The following NID2 variants were observed in gnomAD, a reference collection of about 807,000 sequenced individuals.
NID2 encodes the protein nidogen-2.
Under a neutral mutation model 145.4 loss-of-function variants are expected in NID2, and 83 were observed. That is an observed-to-expected ratio of 0.57 (90% CI 0.48 to 0.69). The LOEUF (loss-of-function observed/expected upper bound fraction) is 0.69, where lower values mean the gene tolerates loss of function less well. Among genes scored for constraint, NID2 ranks in the 30% least tolerant of loss-of-function variants. The pLI, the probability that NID2 is intolerant of heterozygous loss-of-function variation, is 0.00. For synonymous variants in NID2, 739 were observed against 701.3 expected, an observed-to-expected ratio of 1.05 and a Z score of -0.85; for missense variants, 1,807 against 1,765.7, an observed-to-expected ratio of 1.02 and a Z score of -0.42.
chr14:52,014,356 C>A lies in NID2; in HGVS notation c.3351G>T (p.Gln1117His), dbSNP rs753151395. The change falls in exon 16 of 22, where the codon CAG (glutamine) becomes CAT (histidine). Residue 1117 changes from glutamine (Q) to histidine (H), a missense_variant. Transcript: ENST00000216286. ...GTFLLYTQGQ[Q>H]IGYLPLNGTR... is the part of the protein sequence containing the mutation. ...TGCCATTGAGGGGTAAGTAGCCAAT[C>A]TGCTGGCCCTGAGTATAGAGCAGGA... 8.7e-6 allele frequency: 14 copies of A among 1,614,264 alleles called. No homozygotes were observed. In the South Asian group the frequency reaches 1.4e-4, roughly 16 times the overall value.
chr14:52,042,153 G>C lies in NID2; in HGVS notation c.1777C>G (p.Leu593Val). ...LTPIGGLFGW[L>V]FALEKPGSEN... is the part of the protein sequence containing the mutation. ...GAGCCAGGTTTTTCTAAAGCAAAGA[G>C]CCAGCCAAACAGGCCTCCAATTGGT... The change falls in exon 7 of 22, where the codon CTC (leucine) becomes GTC (valine). Residue 593 changes from leucine to valine, a missense_variant. Physicochemically the swap from Leu to Val is conservative, Grantham distance 32. Transcript: ENST00000216286. 6.2e-7 allele frequency: 1 copy of C among 1,611,884 alleles called. No homozygotes were observed. The highest frequency in any genetic ancestry group is 8.5e-7 in the Non-Finnish European group (1 of 1,178,364).
intron 19 of NID2, 155 bp from the exon 20 acceptor site, chr14:52,006,815 A>G (rs572450439): frequency 3.0e-5 from 20 of 667,590 alleles, no homozygotes; most frequent in Admixed American, 1.9e-4. Flanking sequence ...CTGTCCTATT[A>G]CTAGTCTCCA....
intron 18 of NID2, chr14:52,010,053 G>C (rs1037709411): frequency 6.6e-6 from 1 of 152,194 alleles, no homozygotes; most frequent in Admixed American, 6.5e-5. Flanking sequence ...GCAAGCCTAT[G>C]CAAAGAGTTT....
At chr14:52,048,103 G>A (rs993887970) in intron 5 of NID2, among the ~76,000 whole-genome samples, 5 of 152,174 alleles carry the variant, frequency 3.3e-5, no homozygotes, top group African/African-American at 7.2e-5. Context: ...CATCAATGTC[G>A]TTAACAAATT....
intron 16 of NID2, among the ~76,000 whole-genome samples, chr14:52,012,353 C>T (rs897138960): frequency 1.3e-5 from 2 of 152,216 alleles, no homozygotes; most frequent in African/African-American, 4.8e-5. Flanking sequence ...CCTGTAATCC[C>T]TGTCCGTTGG....
At chr14:52,018,107 A>G (rs553035602) in intron 14 of NID2, among the ~76,000 whole-genome samples, 1 of 152,314 alleles carries the variant, frequency 6.6e-6, no homozygotes, top group South Asian at 2.1e-4. Flanking sequence ...ATGAGCCACC[A>G]TACCCGGGCA....
chr14:52,006,804 C>G, intron 19 of NID2, 144 bp from the exon 20 acceptor site: 1 of 809,310 alleles, frequency 1.2e-6, no homozygotes, highest in East Asian at 2.8e-5. Context: ...TGTAAAATTA[C>G]CTGTCCTATT....
rs73286397 is a variant in NID2 at position 52,032,955 on chromosome 14, C to A, written c.2258-3265G>T. Among the ~76,000 whole-genome samples, 543 of 152,174 alleles carry A rather than the reference C, an allele frequency of 3.6e-3. 2 individuals carry two copies. Among genetic ancestry groups the A allele is most frequent in the African/African-American group, 0.013 (529 of 41,514 alleles). On this transcript the variant is annotated intron_variant, in intron 9 of 21. Coordinates refer to ENST00000216286, the MANE Select transcript of NID2 (RefSeq NM_007361.4). ...GGATTAGTTCCATAATTTGCAATCCCCAGTGCAAAATGAAAATGTGGAGCC... is the reference window on the plus strand; with the variant it reads ...GGATTAGTTCCATAATTTGCAATCCACAGTGCAAAATGAAAATGTGGAGCC...
intron 11 of NID2, among the ~76,000 whole-genome samples, chr14:52,028,467 G>A (rs1891674609): frequency 6.6e-6 from 1 of 151,976 alleles, no homozygotes; most frequent in South Asian, 2.1e-4. Context: ...GTAGAGACGG[G>A]GTTTTGCTAT....
At chr14:52,065,510 A>ATTTATTTATTTATTTT (rs1893167761) in intron 2 of NID2, among the ~76,000 whole-genome samples, 1 of 71,316 alleles carries the variant, frequency 1.4e-5, no homozygotes, top group East Asian at 3.6e-4. Context: ...TTATTTATTT[A>ATTTATTTATTTATTTT]TTTTTTATTA....
rs1417868011 is a variant in NID2, at chr14:52,068,767, G to A, written c.228C>T (p.Tyr76=). ...AGTGCCAGGAGGGGGCTGAACTTAC[G>A]TAGAGGTTGCTGAATCGGGCTTCGT... ...HFYEARFSNL[Y]VGTNGIISTQ... Residue 76 remains tyrosine (Y), a splice_region_variant and synonymous_variant, in exon 1 of 22, where the codon TAC becomes TAT. Transcript: ENST00000216286. 2 of 1,601,262 alleles carry A rather than the reference G, an allele frequency of 1.2e-6. No individual in the cohort carries two copies. The highest frequency in any genetic ancestry group is 2.2e-5 in the East Asian group (1 of 44,830).
At chr14:52,040,208 T>C (rs763706254) in intron 8 of NID2, among the ~76,000 whole-genome samples, 2 of 151,880 alleles carry the variant, frequency 1.3e-5, no homozygotes, top group Non-Finnish European at 2.9e-5. Flanking sequence ...CCCAAAGTGG[T>C]GGGATTACAG....
Position 52,005,432 on chromosome 14 carries a change from T to G in NID2, c.*54A>C. ...TTCTTTGCCTTTGCAGTCACTGTTC[T>G]TTAGGGTCCAGGTTCTGATTGTAAA... On this transcript the variant is annotated 3_prime_UTR_variant, in exon 22 of 22. Coordinates refer to ENST00000216286, the MANE Select transcript of NID2 (RefSeq NM_007361.4). 1.3e-6 allele frequency: 2 copies of G among 1,513,320 alleles called. No individual in the cohort carries two copies. The highest frequency in any genetic ancestry group is 1.8e-6 in the Non-Finnish European group (2 of 1,129,878). 93.7% of individuals were successfully genotyped at this position (1,513,320 alleles called of 1,614,324 possible). A position where few individuals can be genotyped will look rare whatever the true frequency, so the allele number is the denominator to read the frequency against.
At chr14:52,006,717 T>A in intron 19 of NID2, 57 bp from the exon 20 acceptor site, 1 of 1,586,450 alleles carries the variant, frequency 6.3e-7, no homozygotes, top group Non-Finnish European at 8.6e-7. Flanking sequence ...AAAATGATAG[T>A]GACATAGTGA....
intron 2 of NID2, among the ~76,000 whole-genome samples, chr14:52,061,381 C>G (rs1332128110): frequency 6.6e-6 from 1 of 152,166 alleles, no homozygotes; most frequent in Non-Finnish European, 1.5e-5. Context: ...TTCATTCATA[C>G]ACTAATTCAA....
intron 5 of NID2, among the ~76,000 whole-genome samples, chr14:52,044,132 A>G (rs1892389358): frequency 6.6e-6 from 1 of 152,198 alleles, no homozygotes; most frequent in Non-Finnish European, 1.5e-5. Context: ...GGAGAACAGA[A>G]AGTAAAGGAG....
Position 52,054,103 on chromosome 14 carries a change from G to A in NID2, c.986C>T (p.Pro329Leu), listed in dbSNP as rs771135026. ...DVNEEEAEYL[P>L]GEPEEALNGH... ...ATTCAATGCCTCCTCTGGTTCACCC[G>A]GAAGGTATTCAGCTTCCTCCTCATT... Residue 329 changes from proline (P) to leucine (L), a missense_variant, in exon 4 of 22, where the codon CCG (proline) becomes CTG (leucine). Transcript: ENST00000216286. The A allele has an allele frequency of 1.2e-5, 20 of 1,614,030 alleles. No individual in the cohort carries two copies. The highest frequency in any genetic ancestry group is 4.4e-5 in the South Asian group (4 of 91,090).
chr14:52,022,002 G>A (rs1000248571), intron 12 of NID2, among the ~76,000 whole-genome samples: 4 of 152,144 alleles, frequency 2.6e-5, no homozygotes, highest in Non-Finnish European at 4.4e-5. Context: ...TTCACAATAC[G>A]CATGCTAAAA....
rs1398280850 is a variant in NID2, at chr14:52,053,926, A to C, written c.1082T>G (p.Leu361Trp). 3 of 1,613,510 alleles carry C rather than the reference A, an allele frequency of 1.9e-6. No homozygotes were observed. The highest frequency in any genetic ancestry group is 2.5e-6 in the Non-Finnish European group (3 of 1,179,770). ...TGTTCCTTCTTTGGTGTGAGGATCC[A>C]AGGTGGAAGATTCTGTTTCAGGATA... is the stretch of plus-strand genomic sequence containing the variant. Reference protein sequence around the residue: ...DTKPLEESSTLDPHTKEGTSL... With the variant: ...DTKPLEESSTWDPHTKEGTSL... Residue 361 changes from leucine (L) to tryptophan (W), a missense_variant, in exon 5 of 22, where the codon TTG (leucine) becomes TGG (tryptophan). Physicochemically the swap from Leu to Trp is moderately conservative, Grantham distance 61. Coordinates refer to ENST00000216286, the MANE Select transcript of NID2 (RefSeq NM_007361.4).
Sources: allele counts gnomAD v4.1 joint callset (sites outside exome capture counted in the v4.1 genomes callset), GRCh38; gene constraint gnomAD v4.1.1; transcripts MANE v1.5; gene names NCBI Gene and HGNC (gene_info 2026-07-23, HGNC 2026-07-21).